Variants in OLFM2 observed in about 807,000 individuals in gnomAD.
OLFM2 encodes olfactomedin 2, also known as noelin-2.
In OLFM2, 20 loss-of-function variants were observed where a neutral mutation model predicts 43.9. The ratio of observed to expected loss-of-function variants is 0.46; its 90% CI spans 0.32 to 0.66. The LOEUF is 0.66. Ranked by LOEUF, OLFM2 falls within the 30% of genes least tolerant of loss-of-function variation. The probability of loss-of-function intolerance (pLI) is 0.04; values close to 1 mark genes in which losing one functional copy is unlikely to be tolerated. For synonymous variants in OLFM2, 268 were observed against 278.6 expected (o/e 0.96, Z 0.38); for missense variants, 416 against 643.6 (o/e 0.65, Z 3.83).
At chr19:9,880,243 A>G (rs1003967680) in intron 1 of OLFM2, among the ~76,000 whole-genome samples, 7 of 152,206 alleles carry the variant, frequency 4.6e-5, no homozygotes, top group African/African-American at 1.7e-4. Context: ...AGCGAGAGTC[A>G]GCATGGGCAA....
intron 1 of OLFM2, among the ~76,000 whole-genome samples, chr19:9,930,122 T>C (rs1031356425): frequency 3.3e-5 from 5 of 152,096 alleles, no homozygotes; most frequent in African/African-American, 4.8e-5. Flanking sequence ...GTGATGATGA[T>C]ACAAGCATGT....
rs567888761 is a variant in OLFM2, at chr19:9,873,162, C to T, written c.64-12368G>A. Among the ~76,000 whole-genome samples the T allele has an allele frequency of 5.3e-5, 8 of 152,234 alleles. No individual in the cohort carries two copies. The East Asian group carries it at 1.4e-3, about 26-fold the overall frequency. On this transcript the variant is annotated intron_variant, in intron 1 of 5. Transcript: ENST00000264833. Reference sequence around the variant, plus strand: ...ATGCTGGGAGGACAAGAGTCACTTCCTTCAGGGTCTCACTCTGCCGCGCAG... The same window carrying T: ...ATGCTGGGAGGACAAGAGTCACTTCTTTCAGGGTCTCACTCTGCCGCGCAG...
At chr19:9,924,329 C>T (rs910878035) in intron 1 of OLFM2, among the ~76,000 whole-genome samples, 34 of 147,326 alleles carry the variant, frequency 2.3e-4, no homozygotes, top group African/African-American at 8.1e-4. Flanking sequence ...TGGCGTGAAC[C>T]CGGGAGGCGG....
At chr19:9,931,735 A>G (rs1226385699) in intron 1 of OLFM2, among the ~76,000 whole-genome samples, 2 of 151,960 alleles carry the variant, frequency 1.3e-5, no homozygotes, top group African/African-American at 4.8e-5. Context: ...AAAGAAATAA[A>G]AAGAAAAAGT....
chr19:9,909,264 G>T (rs1471486064), intron 1 of OLFM2, among the ~76,000 whole-genome samples: 1 of 152,208 alleles, frequency 6.6e-6, no homozygotes. Context: ...AGGCAGAGGC[G>T]ACGGTCAAGG....
At chr19:9,915,708 C>G (rs1209621360) in intron 1 of OLFM2, among the ~76,000 whole-genome samples, 2 of 151,746 alleles carry the variant, frequency 1.3e-5, no homozygotes, top group African/African-American at 4.8e-5. Flanking sequence ...TTAGTAGAGA[C>G]GGGGTTTCAC....
At chr19:9,913,113 G>A (rs1261624680) in intron 1 of OLFM2, among the ~76,000 whole-genome samples, 1 of 151,908 alleles carries the variant, frequency 6.6e-6, no homozygotes, top group Non-Finnish European at 1.5e-5. Flanking sequence ...CCCTCCTCCC[G>A]CTGCACCCCA....
chr19:9,935,166 AG>A (rs1337920222), intron 1 of OLFM2, among the ~76,000 whole-genome samples: 1 of 152,126 alleles, frequency 6.6e-6, no homozygotes, highest in Admixed American at 6.6e-5. Context: ...GAGGAGGCAG[AG>A]GGGGTTAAAT....
chr19:9,900,997 AGGGG>A (rs1191839462), intron 1 of OLFM2, among the ~76,000 whole-genome samples: 8 of 46,900 alleles, frequency 1.7e-4, no homozygotes, highest in Admixed American at 5.2e-4. Context: ...GAAGGGAGGG[AGGGG>A]GGAGGGAGGG....
intron 1 of OLFM2, among the ~76,000 whole-genome samples, chr19:9,924,823 G>C (rs1458743780): frequency 6.6e-6 from 1 of 151,868 alleles, no homozygotes; most frequent in Admixed American, 6.6e-5. Context: ...GCTTCATTCA[G>C]GCATCAGATC....
At chr19:9,915,496 T>TTTATTTA (rs1555728543) in intron 1 of OLFM2, among the ~76,000 whole-genome samples, 9 of 94,086 alleles carry the variant, frequency 9.6e-5, no homozygotes, top group South Asian at 6.3e-4. Flanking sequence ...AAAGGGACTT[T>TTTATTTA]TTTATTTATT....
intron 1 of OLFM2, among the ~76,000 whole-genome samples, chr19:9,886,228 A>G (rs570608162): frequency 6.6e-6 from 1 of 152,206 alleles, no homozygotes; most frequent in Non-Finnish European, 1.5e-5. Flanking sequence ...TTTTTGAGAC[A>G]GAGTTTCGCT....
chr19:9,890,214 A>C (rs1220704614), intron 1 of OLFM2, among the ~76,000 whole-genome samples: 1 of 152,156 alleles, frequency 6.6e-6, no homozygotes, highest in Admixed American at 6.5e-5. Context: ...TGTCTGTGGA[A>C]AAATACCACC....
intron 5 of OLFM2, among the ~76,000 whole-genome samples, chr19:9,855,223 C>T (rs1471992541): frequency 7.0e-6 from 1 of 141,922 alleles, no homozygotes; most frequent in Non-Finnish European, 1.5e-5. Flanking sequence ...TGCTATTGGT[C>T]TTTTTTTTTT....
At position 9,915,541 on chromosome 19, in the gene OLFM2, G is replaced by A. The variant is rs746536351; in HGVS notation, c.63+20763C>T. On this transcript the variant is annotated intron_variant, in intron 1 of 5. Transcript: ENST00000264833. The stretch of plus-strand genomic sequence containing the variant: ...ATTTATTTATTTATTTATTTGAGAC[G>A]GAGTCTTGCTCTGTCGCCCAGGCTG... Among the ~76,000 whole-genome samples, 11 of 132,218 alleles carry A rather than the reference G, an allele frequency of 8.3e-5. 1 individual carries two copies. In the South Asian group the frequency reaches 1.7e-3, roughly 21 times the overall value. 86.7% of individuals were successfully genotyped at this position (132,218 alleles called of 152,430 possible).
chr19:9,904,071 C>G (rs1207778314), intron 1 of OLFM2, among the ~76,000 whole-genome samples: 1 of 151,984 alleles, frequency 6.6e-6, no homozygotes, highest in Admixed American at 6.6e-5. Context: ...GGGCATTACA[C>G]TGAGGGTTGC....
At chr19:9,882,410 C>T (rs189923040) in intron 1 of OLFM2, among the ~76,000 whole-genome samples, 16 of 151,486 alleles carry the variant, frequency 1.1e-4, no homozygotes, top group South Asian at 8.4e-4. Context: ...AGGTGGCGGG[C>T]GCCTGTAGTC....
In OLFM2 at chr19:9,856,132, C is replaced by G. The variant is rs2046315356; in HGVS notation, c.687+675G>C. On this transcript the variant is annotated intron_variant, in intron 5 of 5. Coordinates refer to ENST00000264833, the MANE Select transcript of OLFM2 (RefSeq NM_058164.4). The surrounding 1 kb of genome is among the most constrained non-coding windows in gnomAD (Gnocchi z 4.0). ...TTTTGTTTTGAGACAGAGTTTCACT[C>G]GTGTTGCCCAGGCTGCAGTGCAATG... is the stretch of plus-strand genomic sequence containing the variant. 6.6e-6 allele frequency among the ~76,000 whole-genome samples: 1 copy of G among 152,120 alleles called. No homozygotes were observed. The highest frequency in any genetic ancestry group is 2.1e-4 in the South Asian group (1 of 4,828).
At chr19:9,895,344 T>A (rs2046674226) in intron 1 of OLFM2, among the ~76,000 whole-genome samples, 1 of 151,686 alleles carries the variant, frequency 6.6e-6, no homozygotes, top group East Asian at 2.0e-4. Context: ...AATTTTTTTT[T>A]AATTAGCGGG....
Sources: allele counts gnomAD v4.1 joint callset (sites outside exome capture counted in the v4.1 genomes callset), GRCh38; gene constraint gnomAD v4.1.1; non-coding constraint Gnocchi (gnomAD v3.1); transcripts MANE v1.5; gene names NCBI Gene and HGNC (gene_info 2026-07-23, HGNC 2026-07-21).